SPPL3: variants seen among roughly 807,000 people sequenced by gnomAD.
The protein encoded by SPPL3 is signal peptide peptidase like 3.
Under a neutral mutation model 42.4 loss-of-function variants are expected in SPPL3, and 5 were observed. The ratio of observed to expected loss-of-function variants is 0.12; its 90% CI spans 0.06 to 0.25. The LOEUF (loss-of-function observed/expected upper bound fraction) is 0.25, where lower values mean the gene tolerates loss of function less well. Among genes scored for constraint, SPPL3 ranks in the 10% least tolerant of loss-of-function variants. The pLI, the probability that SPPL3 is intolerant of heterozygous loss-of-function variation, is 1.00. For missense variants in SPPL3, 235 were observed against 489.0 expected (o/e 0.48, Z 4.90); for synonymous variants, 195 against 181.8 (o/e 1.07, Z -0.58).
chr12:120,881,032 G>A (rs1311616485), intron 1 of SPPL3, among the ~76,000 whole-genome samples: 1 of 151,474 alleles, frequency 6.6e-6, no homozygotes, highest in East Asian at 1.9e-4. Context: ...CCATTAGGAT[G>A]GCTATTGAAA....
intron 2 of SPPL3, among the ~76,000 whole-genome samples, chr12:120,800,047 C>T (rs866899468): frequency 1.3e-5 from 2 of 152,196 alleles, no homozygotes; most frequent in Non-Finnish European, 2.9e-5. Flanking sequence ...TAGAACAGTT[C>T]GCTGCATCTT....
intron 1 of SPPL3, among the ~76,000 whole-genome samples, chr12:120,865,338 T>G (rs150215728): frequency 1.5e-4 from 23 of 152,342 alleles, no homozygotes; most frequent in Middle Eastern, 3.4e-3. Context: ...CAGCATCTGA[T>G]CTACAACGGC....
intron 1 of SPPL3, among the ~76,000 whole-genome samples, chr12:120,861,836 C>T (rs142781885): frequency 1.6e-4 from 25 of 152,234 alleles, no homozygotes; most frequent in African/African-American, 5.3e-4. Flanking sequence ...AAGGAGAGAA[C>T]AGAAGGGCTG....
In SPPL3 at chr12:120,793,494, A is replaced by C. The variant is rs1869991508; in HGVS notation, c.102-1937T>G. 2.0e-5 allele frequency among the ~76,000 whole-genome samples: 3 copies of C among 152,270 alleles called. No homozygotes were observed. The South Asian group carries it at 6.2e-4, about 32-fold the overall frequency. On this transcript the variant is annotated intron_variant, in intron 2 of 10. Coordinates refer to ENST00000353487, the MANE Select transcript of SPPL3 (RefSeq NM_139015.5). ...TGAGACACTGTCTCCTCAAAACAAA[A>C]CCACCACCATGAGAAACCACTTCAC...
chr12:120,791,876 T>C lies in SPPL3; in HGVS notation c.102-319A>G, dbSNP rs543852164. ...AGAAATGTCAAAGGGCAAGCACATT[T>C]TGAGACTTTTACATACCACACAACT... On this transcript the variant is annotated intron_variant, in intron 2 of 10. Coordinates refer to ENST00000353487, the MANE Select transcript of SPPL3 (RefSeq NM_139015.5). The C allele has an allele frequency of 6.9e-4, 200 of 290,396 alleles. 1 individual carries two copies. In the Admixed American group the frequency reaches 9.5e-3, roughly 14 times the overall value. The allele number at this position is 290,396 out of a possible 1,614,324, so 18.0% of individuals were successfully genotyped here.
At chr12:120,867,659 T>A (rs202088789) in intron 1 of SPPL3, among the ~76,000 whole-genome samples, 2 of 2,210 alleles carry the variant, frequency 9.0e-4, no homozygotes, top group Non-Finnish European at 6.5e-3. Flanking sequence ...GTCTTAAAAA[T>A]GTATATATAT....
At chr12:120,781,555 G>GTGTTTTTTTTTTTTTTTTTT (rs1869541007) in intron 6 of SPPL3, among the ~76,000 whole-genome samples, 1 of 62,994 alleles carries the variant, frequency 1.6e-5, no homozygotes, top group African/African-American at 6.8e-5. Flanking sequence ...TTATTGTTAC[G>GTGTTTTTTTTTTTTTTTTTT]TTTTTTTTTT....
intron 1 of SPPL3, among the ~76,000 whole-genome samples, chr12:120,877,166 A>T (rs534486692): frequency 1.3e-5 from 2 of 152,358 alleles, no homozygotes; most frequent in South Asian, 4.1e-4. Context: ...AGATACATAC[A>T]AACCCTAAAT....
chr12:120,816,392 A>C (rs1243411047), intron 1 of SPPL3, among the ~76,000 whole-genome samples: 1 of 152,264 alleles, frequency 6.6e-6, no homozygotes, highest in Non-Finnish European at 1.5e-5. Flanking sequence ...GATCTTAAAA[A>C]GTTCTAACAA....
rs114163568 is a variant in SPPL3 at position 120,845,498 on chromosome 12, G to A, written c.24-34612C>T. 1.5e-3 allele frequency: 632 copies of A among 429,472 alleles called. 4 individuals are homozygous for A. The highest frequency in any genetic ancestry group is 0.012 in the African/African-American group (577 of 47,970). 26.6% of individuals were successfully genotyped at this position (429,472 alleles called of 1,614,324 possible). A position where few individuals can be genotyped will look rare whatever the true frequency, so the allele number is the denominator to read the frequency against. ...TATTCTTGTACTCCATGGTTTCCAC[G>A]TTGAAGCCTATGGTGGGAATGGTGG... On this transcript the variant is annotated intron_variant, in intron 1 of 10. Coordinates refer to ENST00000353487, the MANE Select transcript of SPPL3 (RefSeq NM_139015.5).
chr12:120,764,614 T>C lies in SPPL3; in HGVS notation c.*385A>G, dbSNP rs1344685350. On this transcript the variant is annotated 3_prime_UTR_variant, in exon 11 of 11. Transcript: ENST00000353487. ...GGTCATTGAAGAAACTTCGGTTTGC[T>C]AATTTTTTTCATCCTTTTAGTGTTC... is the stretch of plus-strand genomic sequence containing the variant. The C allele has an allele frequency of 1.1e-5, 4 of 363,942 alleles. No homozygotes were observed. Among genetic ancestry groups the C allele is most frequent in the Non-Finnish European group, 1.5e-5 (3 of 204,796 alleles). The allele number at this position is 363,942 out of a possible 1,614,324, so 22.5% of individuals were successfully genotyped here.
chr12:120,902,222 G>C (rs1874004197), intron 1 of SPPL3, among the ~76,000 whole-genome samples: 1 of 152,100 alleles, frequency 6.6e-6, no homozygotes, highest in Non-Finnish European at 1.5e-5. Flanking sequence ...TCTTCCTTTA[G>C]GGTTACTTTG....
chr12:120,776,429 G>T (rs1488073285), intron 6 of SPPL3, among the ~76,000 whole-genome samples: 1 of 152,104 alleles, frequency 6.6e-6, no homozygotes, highest in Admixed American at 6.6e-5. Context: ...CTTACAGAGA[G>T]GTGCTCACCC....
At chr12:120,828,450 AGAAG>A (rs1025629142) in intron 1 of SPPL3, among the ~76,000 whole-genome samples, 50 of 152,334 alleles carry the variant, frequency 3.3e-4, no homozygotes, top group African/African-American at 9.6e-4. Context: ...CAAATCAAAT[AGAAG>A]GAAGGAAGTA....
intron 1 of SPPL3, among the ~76,000 whole-genome samples, chr12:120,844,672 A>G (rs1326514063): frequency 1.3e-5 from 2 of 151,866 alleles, no homozygotes; most frequent in East Asian, 1.9e-4. Flanking sequence ...TGTGCTTCCT[A>G]TGATCTTTTT....
intron 1 of SPPL3, among the ~76,000 whole-genome samples, chr12:120,853,908 G>C (rs1034347107): frequency 6.7e-6 from 1 of 150,324 alleles, no homozygotes; most frequent in South Asian, 2.1e-4. Flanking sequence ...ATTTGGAATA[G>C]CAAAAAACAA....
chr12:120,823,422 A>C (rs771167968), intron 1 of SPPL3, among the ~76,000 whole-genome samples: 14 of 152,144 alleles, frequency 9.2e-5, no homozygotes, highest in Non-Finnish European at 1.3e-4. Flanking sequence ...TACTTAATCT[A>C]GTAACACTTC....
intron 6 of SPPL3, among the ~76,000 whole-genome samples, chr12:120,775,411 CAA>C: frequency 6.6e-6 from 1 of 152,194 alleles, no homozygotes; most frequent in Middle Eastern, 3.2e-3. Flanking sequence ...CTTCGCCTCC[CAA>C]AGAGTTGGGA....
At chr12:120,880,470 A>G (rs1182501235) in intron 1 of SPPL3, among the ~76,000 whole-genome samples, 1 of 152,068 alleles carries the variant, frequency 6.6e-6, no homozygotes, top group African/African-American at 2.4e-5. Context: ...CAAAATCAAA[A>G]GACAACCTAC....
Sources: gnomAD v4.1 joint callset for allele counts (sites outside exome capture counted in the v4.1 genomes callset) on GRCh38, gnomAD v4.1.1 for gene constraint, MANE v1.5 for transcripts, NCBI Gene and HGNC (gene_info 2026-07-23, HGNC 2026-07-21) for gene names.